The following ADGRF4 variants were observed in gnomAD, a reference collection of about 807,000 sequenced individuals.
ADGRF4 encodes the protein G-protein coupled receptor PGR18.
Under a neutral mutation model 58.5 loss-of-function variants are expected in ADGRF4, and 63 were observed. That is an observed-to-expected ratio of 1.08 (90% CI 0.88 to 1.33). The LOEUF is 1.33. Among genes scored for constraint, ADGRF4 ranks in the 40% most tolerant of loss-of-function variants. The pLI, the probability that ADGRF4 is intolerant of heterozygous loss-of-function variation, is 0.00. For synonymous variants in ADGRF4, 313 were observed against 295.4 expected (o/e 1.06, Z -0.61); for missense variants, 931 against 843.9 (o/e 1.10, Z -1.28).
At position 47,714,728 on chromosome 6, in the gene ADGRF4, G is replaced by T; in HGVS notation, c.1483G>T (p.Ala495Ser). Residue 495 changes from alanine (A) to serine (S), a missense_variant, in exon 6 of 10, where the codon GCA becomes TCA. Ala to Ser is a moderately conservative substitution (Grantham distance 99). Transcript: ENST00000283303. ...LSLFFWMLFK[A>S]LLIIYGILVI... is the part of the protein sequence containing the mutation. ...TCTGTTTTTCTGGATGCTCTTCAAA[G>T]CATTGCTCATCATTTATGGAATATT... 2 of 1,613,952 alleles carry T rather than the reference G, an allele frequency of 1.2e-6. No homozygotes were observed. Among genetic ancestry groups the T allele is most frequent in the Non-Finnish European group, 1.7e-6 (2 of 1,179,894 alleles).
chr6:47,716,720 A>C, intron 6 of ADGRF4, 86 bp from the exon 7 acceptor site: 2 of 960,920 alleles, frequency 2.1e-6, no homozygotes, highest in Non-Finnish European at 3.3e-6. Context: ...CTGCCCTAGG[A>C]GGTATCTAGA....
chr6:47,717,486 C>T lies in ADGRF4; in HGVS notation c.2034+135C>T, dbSNP rs913575388. 8.6e-6 allele frequency: 6 copies of T among 699,776 alleles called. No homozygotes were observed. In the South Asian group the frequency reaches 9.2e-5, roughly 11 times the overall value. 43.3% of individuals were successfully genotyped at this position (699,776 alleles called of 1,614,324 possible). On this transcript the variant is annotated intron_variant, in intron 8 of 9. Coordinates refer to ENST00000283303, the MANE Select transcript of ADGRF4 (RefSeq NM_153838.5). The stretch of plus-strand genomic sequence containing the variant: ...TAAAGCGTACTTCATTCATTCATTT[C>T]TTCATTCGGTAAATTTGGAGTGTTC...
At chr6:47,711,363 A>G (rs915094989) in intron 4 of ADGRF4, among the ~76,000 whole-genome samples, 1 of 152,100 alleles carries the variant, frequency 6.6e-6, no homozygotes, top group Non-Finnish European at 1.5e-5. Flanking sequence ...CTCGGGTTCA[A>G]GCAATTTTCC....
Position 47,716,823 on chromosome 6 carries a change from G to A in ADGRF4, c.1950G>A (p.Leu650=). 2 of 1,602,370 alleles carry A rather than the reference G, an allele frequency of 1.2e-6. No homozygotes were observed. The highest frequency in any genetic ancestry group is 1.7e-6 in the Non-Finnish European group (2 of 1,174,790). Residue 650 remains leucine (L), a synonymous_variant, in exon 7 of 10, where the codon CTG becomes CTA. Transcript: ENST00000283303. ...LNAFQGFFIL[L]FGTIMDHKIR... ...TGCCACAGGGTTTTTTCATCCTGCT[G>A]TTTGGAACCATTATGGATCACAAGG...
intron 2 of ADGRF4, 69 bp from the exon 3 acceptor site, chr6:47,708,155 G>A (rs1040311689): frequency 5.3e-6 from 6 of 1,125,332 alleles, no homozygotes; most frequent in East Asian, 2.4e-5. Context: ...TTCATATGGA[G>A]CCTCTAAGCT....
chr6:47,711,139 C>T (rs1461029582), intron 4 of ADGRF4, among the ~76,000 whole-genome samples: 1 of 151,286 alleles, frequency 6.6e-6, no homozygotes, highest in African/African-American at 2.4e-5. Context: ...AGATATGAAA[C>T]TCATTTATGC....
Position 47,714,217 on chromosome 6 carries a change from T to C in ADGRF4, c.972T>C (p.Val324=), listed in dbSNP as rs757064505. Residue 324 remains valine, a synonymous_variant, in exon 6 of 10, where the codon GTT becomes GTC. Transcript: ENST00000283303. ...RQVNGLVLSV[V]LPERLQEIIL... Reference sequence around the variant, plus strand: ...TAAATGGTCTGGTGCTATCAGTGGTTTTACCAGAAAGGTTGCAAGAAATCA... The same window carrying C: ...TAAATGGTCTGGTGCTATCAGTGGTCTTACCAGAAAGGTTGCAAGAAATCA... The C allele has an allele frequency of 2.5e-6, 4 of 1,614,020 alleles. No homozygotes were observed. The highest frequency in any genetic ancestry group is 3.4e-6 in the Non-Finnish European group (4 of 1,179,988).
chr6:47,720,706 C>CTGTT (rs1772137679), intron 9 of ADGRF4, among the ~76,000 whole-genome samples: 1 of 152,158 alleles, frequency 6.6e-6, no homozygotes, highest in African/African-American at 2.4e-5. Context: ...GACAAGCTGG[C>CTGTT]TGTTAGATTC....
chr6:47,711,462 C>T (rs537373645), intron 4 of ADGRF4, among the ~76,000 whole-genome samples: 31 of 152,114 alleles, frequency 2.0e-4, no homozygotes, highest in Non-Finnish European at 3.8e-4. Context: ...GGGGTTTCAC[C>T]ATATTGGCCA....
chr6:47,718,099 ATTTTCTTCGTCT>A (rs1772069778), intron 8 of ADGRF4, among the ~76,000 whole-genome samples: 1 of 152,224 alleles, frequency 6.6e-6, no homozygotes, highest in Admixed American at 6.5e-5. Flanking sequence ...TAAGATAGGC[ATTTTCTTCGTCT>A]TTTAACGTTT....
chr6:47,708,625 G>A (rs534857897), intron 3 of ADGRF4, among the ~76,000 whole-genome samples: 2 of 152,284 alleles, frequency 1.3e-5, no homozygotes, highest in South Asian at 4.2e-4. Flanking sequence ...TATTTTCAGG[G>A]TGCTTAAATG....
Position 47,699,927 on chromosome 6 carries a change from C to T in ADGRF4, c.-17+1133C>T, listed in dbSNP as rs536417904. On this transcript the variant is annotated intron_variant, in intron 1 of 9. Coordinates refer to ENST00000283303, the MANE Select transcript of ADGRF4 (RefSeq NM_153838.5). The stretch of plus-strand genomic sequence containing the variant: ...ATACACACACACACACACACACAGA[C>T]GACACACCCCCCCCCCCAAAATGTG... Among the ~76,000 whole-genome samples, 68 of 123,528 alleles carry T rather than the reference C, an allele frequency of 5.5e-4. 1 individual carries two copies. The East Asian group carries it at 0.019, about 35-fold the overall frequency. The allele number at this position is 123,528 out of a possible 152,430, so 81.0% of individuals were successfully genotyped here.
intron 9 of ADGRF4, among the ~76,000 whole-genome samples, chr6:47,719,019 A>T (rs557017838): frequency 2.6e-5 from 4 of 152,330 alleles, no homozygotes; most frequent in Non-Finnish European, 5.9e-5. Context: ...GGGATGATCA[A>T]CCTTGGGAAT....
At chr6:47,716,563 C>T (rs1219448325) in intron 6 of ADGRF4, among the ~76,000 whole-genome samples, 3 of 152,188 alleles carry the variant, frequency 2.0e-5, no homozygotes, top group South Asian at 4.1e-4. Flanking sequence ...CCTACATCTA[C>T]AGCCATTCAA....
At chr6:47,716,879 G>T (rs1772032359) in intron 7 of ADGRF4, 32 bp downstream of exon 7, 1 of 1,457,042 alleles carries the variant, frequency 6.9e-7, no homozygotes, top group Non-Finnish European at 9.6e-7. Flanking sequence ...CTTATAAATG[G>T]TTTTCATGTG....
intron 1 of ADGRF4, among the ~76,000 whole-genome samples, chr6:47,701,874 C>T (rs1376029997): frequency 6.6e-6 from 1 of 152,192 alleles, no homozygotes; most frequent in Non-Finnish European, 1.5e-5. Context: ...ACTCTTATTG[C>T]CCAGGCTGGA....
At chr6:47,699,868 C>T (rs1006935559) in intron 1 of ADGRF4, among the ~76,000 whole-genome samples, 8 of 151,216 alleles carry the variant, frequency 5.3e-5, no homozygotes, top group African/African-American at 2.0e-4. Context: ...AACAGACAGA[C>T]AGTTATAGAA....
rs754635126 is a variant in ADGRF4 at position 47,714,993 on chromosome 6, A to G, written c.1748A>G (p.Asn583Ser). ...ATTGTGGTTTTGGTTGTTGCTGTCAACACTCAGAGGCCCTCTATTGGCAGT... is the reference window on the plus strand; with the variant it reads ...ATTGTGGTTTTGGTTGTTGCTGTCAGCACTCAGAGGCCCTCTATTGGCAGT... Reference protein sequence around the residue: ...NLIVVLVVAVNTQRPSIGSSK... With the variant: ...NLIVVLVVAVSTQRPSIGSSK... The change falls in exon 6 of 10, where the codon AAC (asparagine) becomes AGC (serine). Residue 583 changes from asparagine (N) to serine (S), a missense_variant. Asn to Ser is a conservative substitution (Grantham distance 46, BLOSUM62 1). Transcript: ENST00000283303. The G allele has an allele frequency of 3.1e-6, 5 of 1,613,680 alleles. No homozygotes were observed. The highest frequency in any genetic ancestry group is 4.2e-6 in the Non-Finnish European group (5 of 1,179,584).
At position 47,699,242 on chromosome 6, in the gene ADGRF4, CA is replaced by C. The variant is rs142772603; in HGVS notation, c.-17+451del. On this transcript the variant is annotated intron_variant, in intron 1 of 9. Transcript: ENST00000283303. ...AAAAAAACATTTCTCCAGTTACTGC[CA>C]AACACGTTTTTGCAAAGGCATCTTC... Among the ~76,000 whole-genome samples the C allele has an allele frequency of 4.3e-3, 659 of 152,344 alleles. 3 individuals carry two copies. Among genetic ancestry groups the C allele is most frequent in the African/African-American group, 0.014 (575 of 41,582 alleles).
Sources: gnomAD v4.1 joint callset for allele counts (sites outside exome capture counted in the v4.1 genomes callset) on GRCh38, gnomAD v4.1.1 for gene constraint, MANE v1.5 for transcripts, NCBI Gene and HGNC (gene_info 2026-07-23, HGNC 2026-07-21) for gene names.